The following EMSY variants were observed in gnomAD, a reference collection of about 807,000 sequenced individuals.
EMSY encodes the protein BRCA2-interacting transcriptional repressor EMSY.
Under a neutral mutation model 134.6 loss-of-function variants are expected in EMSY, and 26 were observed. The observed-to-expected ratio is 0.19, with a 90% CI of 0.14 to 0.27. The LOEUF is 0.27. Ranked by LOEUF, EMSY falls within the 10% of genes least tolerant of loss-of-function variation. EMSY has a pLI of 1.00. For missense variants in EMSY, 1,305 were observed against 1,611.4 expected (o/e 0.81, Z 3.26); for synonymous variants, 579 against 577.8 (o/e 1.00, Z -0.03).
chr11:76,447,428 T>G (rs975383512), intron 2 of EMSY, among the ~76,000 whole-genome samples: 13 of 152,240 alleles, frequency 8.5e-5, no homozygotes, highest in African/African-American at 2.7e-4. Context: ...CCAGGGAGTA[T>G]GCTTTCAGTC....
At chr11:76,515,206 T>TGG (rs75903485) in intron 10 of EMSY, among the ~76,000 whole-genome samples, 32 of 144,598 alleles carry the variant, frequency 2.2e-4, no homozygotes, top group East Asian at 4.2e-4. Flanking sequence ...AGCATTTTTT[T>TGG]GGGGGGGGGG....
intron 8 of EMSY, among the ~76,000 whole-genome samples, chr11:76,473,725 C>T (rs992355670): frequency 2.6e-5 from 4 of 152,118 alleles, no homozygotes; most frequent in Non-Finnish European, 2.9e-5. Flanking sequence ...CACAGTGGCT[C>T]ACGCCTGTAA....
chr11:76,469,343 A>G (rs1045862387), intron 7 of EMSY, among the ~76,000 whole-genome samples: 1 of 152,200 alleles, frequency 6.6e-6, no homozygotes, highest in Non-Finnish European at 1.5e-5. Context: ...CCAGGAAGCT[A>G]CTACAATTAG....
In EMSY at chr11:76,537,789, A is replaced by G; in HGVS notation, c.2360-6A>G. 1 of 1,590,304 alleles carries G rather than the reference A, an allele frequency of 6.3e-7. No individual in the cohort carries two copies. ...AGTTAACTTTTCCCCTGACTTTTTT[A>G]TGCAGTAAAGGAAAAATTGGAATCT... On this transcript the variant is annotated splice_polypyrimidine_tract_variant and splice_region_variant and intron_variant, in intron 15 of 20. Coordinates refer to ENST00000334736, the Ensembl canonical transcript of EMSY.
chr11:76,528,621 C>T (rs1350688983), intron 14 of EMSY, among the ~76,000 whole-genome samples, 155 bp downstream of exon 15: 2 of 135,994 alleles, frequency 1.5e-5, no homozygotes, highest in Non-Finnish European at 3.1e-5. Context: ...GATGTTAAAT[C>T]GGTGAGCTGA....
chr11:76,496,120 C>A lies in EMSY; in HGVS notation c.1109-95C>A, dbSNP rs1053172630. 1.2e-5 allele frequency: 16 copies of A among 1,345,042 alleles called. No homozygotes were observed. In the Admixed American group the frequency reaches 3.7e-4, roughly 31 times the overall value. The allele number at this position is 1,345,042 out of a possible 1,614,324, so 83.3% of individuals were successfully genotyped here. ...ATAAATTGTACTTTTTGTTGATTTC[C>A]CTATTCTTTAAACTATTATCTACTA... is the stretch of plus-strand genomic sequence containing the variant. On this transcript the variant is annotated intron_variant, in intron 8 of 20. Coordinates refer to ENST00000334736, the Ensembl canonical transcript of EMSY.
chr11:76,545,675 C>A, intron 19 of EMSY, 122 bp from the exon 21 acceptor site: 1 of 1,228,900 alleles, frequency 8.1e-7, no homozygotes, highest in Non-Finnish European at 1.1e-6. Context: ...AAACAGCAAG[C>A]TTCAAAACTG....
chr11:76,484,201 T>G (rs866421766), intron 8 of EMSY, among the ~76,000 whole-genome samples: 1 of 152,108 alleles, frequency 6.6e-6, no homozygotes, highest in Non-Finnish European at 1.5e-5. Flanking sequence ...TTGAAACCAA[T>G]GAGAACAAAG....
At chr11:76,492,641 G>T (rs1466244807) in intron 8 of EMSY, among the ~76,000 whole-genome samples, 1 of 152,148 alleles carries the variant, frequency 6.6e-6, no homozygotes, top group Non-Finnish European at 1.5e-5. Flanking sequence ...GGGAGGCATC[G>T]CCAGGGCTGC....
chr11:76,464,565 A>G (rs1053055505), intron 7 of EMSY, among the ~76,000 whole-genome samples: 1 of 152,170 alleles, frequency 6.6e-6, no homozygotes, highest in Admixed American at 6.5e-5. Context: ...TTCTCTAAAT[A>G]TGTTGAAGTC....
rs1457161225 is a variant in EMSY at position 76,463,713 on chromosome 11, T to C, written c.572-108T>C. The C allele has an allele frequency of 2.4e-6, 3 of 1,238,572 alleles. No individual in the cohort carries two copies. The East Asian group carries it at 7.1e-5, about 30-fold the overall frequency. The allele number at this position is 1,238,572 out of a possible 1,614,324, so 76.7% of individuals were successfully genotyped here. Reference sequence around the variant, plus strand: ...AAGATTGATAGAACTTATTGGCTAATGGCTTAAGACAGAGAGAGGACAAGG... The same window carrying C: ...AAGATTGATAGAACTTATTGGCTAACGGCTTAAGACAGAGAGAGGACAAGG... On this transcript the variant is annotated intron_variant, in intron 6 of 20. Coordinates refer to ENST00000334736, the Ensembl canonical transcript of EMSY.
At chr11:76,527,817 G>A (rs1182085021) in intron 13 of EMSY, among the ~76,000 whole-genome samples, 11 of 151,436 alleles carry the variant, frequency 7.3e-5, no homozygotes, top group Non-Finnish European at 1.0e-4. Context: ...AAGAACACTC[G>A]CTCAAACAGA....
intron 8 of EMSY, among the ~76,000 whole-genome samples, chr11:76,478,415 C>T (rs1948849088): frequency 6.8e-6 from 1 of 145,996 alleles, no homozygotes; most frequent in Non-Finnish European, 1.5e-5. Context: ...GCGATCTTGG[C>T]TCACTGCAAT....
At chr11:76,496,374 T>C in exon 9 of EMSY, 1 of 1,614,158 alleles carries the variant, frequency 6.2e-7, no homozygotes, top group African/African-American at 1.3e-5. Context: ...CAGCAACAAG[T>C]GGCCCAGCCT....
chr11:76,496,151 A>G lies in EMSY; in HGVS notation c.1109-64A>G. 9 of 1,502,292 alleles carry G rather than the reference A, an allele frequency of 6.0e-6. 1 individual carries two copies. The allele number at this position is 1,502,292 out of a possible 1,614,324, so 93.1% of individuals were successfully genotyped here. On this transcript the variant is annotated intron_variant, in intron 8 of 20. Transcript: ENST00000334736. ...CTTTAAACTATTATCTACTATAATAACCAGAAGTAACTTTAATTTTGCTTT... is the reference window on the plus strand; with the variant it reads ...CTTTAAACTATTATCTACTATAATAGCCAGAAGTAACTTTAATTTTGCTTT...
At position 76,491,830 on chromosome 11, in the gene EMSY, A is replaced by G. The variant is rs146521932; in HGVS notation, c.1109-4385A>G. ...AGAGTGAACTCTGTCACCTCATGCTAGACTACTCTTCTGCTTAGCTGCCTA... is the reference window on the plus strand; with the variant it reads ...AGAGTGAACTCTGTCACCTCATGCTGGACTACTCTTCTGCTTAGCTGCCTA... On this transcript the variant is annotated intron_variant, in intron 8 of 20. Coordinates refer to ENST00000334736, the Ensembl canonical transcript of EMSY. Among the ~76,000 whole-genome samples the G allele has an allele frequency of 5.2e-3, 797 of 152,324 alleles. 2 individuals are homozygous for G. Among genetic ancestry groups the G allele is most frequent in the Admixed American group, 0.013 (206 of 15,306 alleles).
chr11:76,504,686 A>G (rs1238438328), intron 9 of EMSY, among the ~76,000 whole-genome samples: 1 of 152,234 alleles, frequency 6.6e-6, no homozygotes. Context: ...CTAGGTATAT[A>G]TACAAGAGAA....
rs181623769 is a variant in EMSY at position 76,462,508 on chromosome 11, C to T, written c.572-1313C>T. ...GGGAGATATGTAGACAATCACATTG[C>T]CATCTGGTAAGTGGTACAGCTTAGG... is the stretch of plus-strand genomic sequence containing the variant. On this transcript the variant is annotated intron_variant, in intron 6 of 20. Coordinates refer to ENST00000334736, the Ensembl canonical transcript of EMSY. Among the ~76,000 whole-genome samples, 334 of 152,274 alleles carry T rather than the reference C, an allele frequency of 2.2e-3. 2 individuals carry two copies. The highest frequency in any genetic ancestry group is 3.7e-3 in the Non-Finnish European group (253 of 68,012).
intron 10 of EMSY, among the ~76,000 whole-genome samples, chr11:76,515,387 C>T (rs1277390483): frequency 6.6e-6 from 1 of 151,648 alleles, no homozygotes; most frequent in Non-Finnish European, 1.5e-5. Context: ...TTGTAAGAAA[C>T]TACAACAGAC....
Sources: allele counts gnomAD v4.1 joint callset (sites outside exome capture counted in the v4.1 genomes callset), GRCh38; gene constraint gnomAD v4.1.1; transcripts MANE v1.5; gene names NCBI Gene and HGNC (gene_info 2026-07-23, HGNC 2026-07-21).